Variants in ATP8B4 observed in about 807,000 individuals in gnomAD.
ATP8B4 encodes the protein probable phospholipid-transporting ATPase IM.
ATP8B4 carries 133 observed loss-of-function variants against 145.6 expected under a neutral mutation model. The ratio of observed to expected loss-of-function variants is 0.91; its 90% CI spans 0.79 to 1.05. The LOEUF (loss-of-function observed/expected upper bound fraction) is 1.05. Ranked by LOEUF, ATP8B4 falls within the 50% of genes least tolerant of loss-of-function variation. The pLI, the probability that ATP8B4 is intolerant of heterozygous loss-of-function variation, is 0.00. For missense variants in ATP8B4, 1,458 were observed against 1,425.2 expected, an observed-to-expected ratio of 1.02 and a Z score of -0.37; for synonymous variants, 507 against 492.9, an observed-to-expected ratio of 1.03 and a Z score of -0.38.
intron 9 of ATP8B4, 34 bp from the exon 10 acceptor site, chr15:49,987,583 T>TG: frequency 6.3e-7 from 1 of 1,591,638 alleles, no homozygotes; most frequent in Non-Finnish European, 8.5e-7. Context: ...AACCTCTTTA[T>TG]GACTCACCCA....
At chr15:50,060,888 T>C (rs1210689465) in intron 3 of ATP8B4, among the ~76,000 whole-genome samples, 1 of 152,154 alleles carries the variant, frequency 6.6e-6, no homozygotes, top group Admixed American at 6.5e-5. Flanking sequence ...ATTAAAGAGC[T>C]CTAAGAGTTT....
chr15:49,880,047 G>C lies in ATP8B4; in HGVS notation c.2698-588C>G, dbSNP rs560468147. The C allele has an allele frequency of 2.6e-5, 4 of 152,304 alleles. No individual in the cohort carries two copies. The East Asian group carries it at 7.7e-4, about 29-fold the overall frequency. 9.4% of individuals were successfully genotyped at this position (152,304 alleles called of 1,614,324 possible). A position where few individuals can be genotyped will look rare whatever the true frequency, so the allele number is the denominator to read the frequency against. The stretch of plus-strand genomic sequence containing the variant: ...CATGGGCCTCACTAAAAGTCAATGA[G>C]GCATGTGAAGCAGGCATATATCCCC... On this transcript the variant is annotated intron_variant, in intron 23 of 27. Coordinates refer to ENST00000284509, the MANE Select transcript of ATP8B4 (RefSeq NM_024837.4).
intron 23 of ATP8B4, 27 bp downstream of exon 23, chr15:49,897,265 A>G: frequency 6.4e-7 from 1 of 1,556,254 alleles, no homozygotes; most frequent in Non-Finnish European, 8.8e-7. Flanking sequence ...CAAACAAACA[A>G]ACAAAAAAAA....
At chr15:49,969,661 A>G (rs1328259941) in intron 13 of ATP8B4, among the ~76,000 whole-genome samples, 1 of 152,220 alleles carries the variant, frequency 6.6e-6, no homozygotes. Flanking sequence ...GCCCAAGACC[A>G]GAGAGATTCA....
At chr15:50,119,078 T>G (rs781134297) in intron 1 of ATP8B4, 45 bp downstream of exon 1, 4 of 152,088 alleles carry the variant, frequency 2.6e-5, no homozygotes, top group Admixed American at 1.3e-4. Flanking sequence ...ACAGCTAAAT[T>G]TCCACTTCAT....
At chr15:49,892,164 A>G (rs754528055) in intron 23 of ATP8B4, among the ~76,000 whole-genome samples, 14 of 152,074 alleles carry the variant, frequency 9.2e-5, no homozygotes, top group Non-Finnish European at 1.6e-4. Flanking sequence ...ATAGTTAAAT[A>G]ATTTATAATC....
chr15:50,170,110 G>A (rs944389244), intron 1 of ATP8B4, among the ~76,000 whole-genome samples: 1 of 152,092 alleles, frequency 6.6e-6, no homozygotes, highest in African/African-American at 2.4e-5. Context: ...TATATTTGGG[G>A]GAATAATTGA....
chr15:50,002,025 A>G, intron 8 of ATP8B4, 128 bp downstream of exon 8: 2 of 714,242 alleles, frequency 2.8e-6, no homozygotes, highest in Non-Finnish European at 4.6e-6. Context: ...GTAATTAACT[A>G]TGGACTTTGC....
At chr15:49,989,561 T>C (rs544532299) in intron 9 of ATP8B4, among the ~76,000 whole-genome samples, 2 of 152,260 alleles carry the variant, frequency 1.3e-5, no homozygotes, top group East Asian at 1.9e-4. Context: ...GCCTTAAACA[T>C]GTTGGCTTGC....
At position 49,987,422 on chromosome 15, in the gene ATP8B4, G is replaced by A. The variant is rs931596296; in HGVS notation, c.717C>T (p.Thr239=). The A allele has an allele frequency of 1.6e-5, 26 of 1,613,634 alleles. No individual in the cohort carries two copies. The highest frequency in any genetic ancestry group is 2.1e-5 in the Non-Finnish European group (25 of 1,179,772). ...AAATAACCATTCCAAAACACCAGCT[G>A]GTATTTCTCAGGATGCAGCCTCTCA... ...IILRGCILRN[T]SWCFGMVIFA... is the part of the protein sequence containing the mutation. The change falls in exon 10 of 28, where the codon ACC becomes ACT. Residue 239 remains threonine (T), a synonymous_variant. Transcript: ENST00000284509.
intron 2 of ATP8B4, among the ~76,000 whole-genome samples, chr15:50,085,565 C>T (rs2054848684): frequency 6.6e-6 from 1 of 152,006 alleles, no homozygotes. Context: ...CATCCTACGG[C>T]ACCTGGCACT....
chr15:50,141,591 T>C (rs550305589), intron 1 of ATP8B4, among the ~76,000 whole-genome samples: 2 of 152,228 alleles, frequency 1.3e-5, no homozygotes, highest in East Asian at 1.9e-4. Context: ...CGATCTTCCA[T>C]GAGAGGAAGA....
At chr15:50,179,975 T>C (rs2044821115) in intron 1 of ATP8B4, among the ~76,000 whole-genome samples, 1 of 152,188 alleles carries the variant, frequency 6.6e-6, no homozygotes, top group Non-Finnish European at 1.5e-5. Flanking sequence ...AGGTATATAT[T>C]ATAGACATTT....
chr15:49,953,488 C>T (rs71469669), intron 14 of ATP8B4, among the ~76,000 whole-genome samples: 14,356 of 152,226 alleles, frequency 0.094, 892 homozygotes, highest in African/African-American at 0.18. Context: ...GCCCTCTGGC[C>T]GCAGACTACC....
chr15:50,169,306 G>A (rs1462571844), intron 1 of ATP8B4, among the ~76,000 whole-genome samples: 1 of 152,210 alleles, frequency 6.6e-6, no homozygotes, highest in Non-Finnish European at 1.5e-5. Context: ...CACTAGAACA[G>A]GTGCTGGTAT....
chr15:49,887,808 A>G (rs981122360), intron 23 of ATP8B4, among the ~76,000 whole-genome samples: 1 of 152,222 alleles, frequency 6.6e-6, no homozygotes, highest in Non-Finnish European at 1.5e-5. Flanking sequence ...CTCCAGCTAC[A>G]AATTACAATC....
intron 1 of ATP8B4, among the ~76,000 whole-genome samples, chr15:50,166,736 G>A (rs2044603227): frequency 1.3e-5 from 2 of 152,168 alleles, no homozygotes; most frequent in Non-Finnish European, 2.9e-5. Context: ...TAGAAAACTG[G>A]GAACACAGTT....
Position 50,105,048 on chromosome 15 carries a change from T to A in ATP8B4, c.28+1891A>T, listed in dbSNP as rs141421549. 4.8e-3 allele frequency among the ~76,000 whole-genome samples: 722 copies of A among 151,946 alleles called. 6 individuals carry two copies. Among genetic ancestry groups the A allele is most frequent in the Non-Finnish European group, 3.8e-3 (255 of 67,926 alleles). On this transcript the variant is annotated intron_variant, in intron 2 of 27. Transcript: ENST00000284509. ...CCTCACCCATAAGTGGGAGCTAAGC[T>A]ATGAGGATGCAAAGGCATAAGAATG...
intron 23 of ATP8B4, among the ~76,000 whole-genome samples, chr15:49,882,697 C>T (rs2035608390): frequency 6.6e-6 from 1 of 152,116 alleles, no homozygotes; most frequent in African/African-American, 2.4e-5. Flanking sequence ...TGTTTCGGAA[C>T]TCCTAATCAT....
Sources: gnomAD v4.1 joint callset for allele counts (sites outside exome capture counted in the v4.1 genomes callset) on GRCh38, gnomAD v4.1.1 for gene constraint, MANE v1.5 for transcripts, NCBI Gene and HGNC (gene_info 2026-07-23, HGNC 2026-07-21) for gene names.